Variants in RMDN3 observed in about 807,000 individuals in gnomAD.
RMDN3 encodes the protein regulator of microtubule dynamics protein 3.
In RMDN3, 41 loss-of-function variants were observed where a neutral mutation model predicts 61.8. The observed-to-expected ratio is 0.66, with a 90% CI of 0.52 to 0.86. The LOEUF (loss-of-function observed/expected upper bound fraction) is 0.86. RMDN3 is among the 40% of genes least tolerant of loss of function. The pLI is 0.00. For synonymous variants in RMDN3, 247 were observed against 232.0 expected (o/e 1.06, Z -0.59); for missense variants, 557 against 585.3 (o/e 0.95, Z 0.50).
intron 4 of RMDN3, among the ~76,000 whole-genome samples, chr15:40,748,707 C>T (rs1418351415): frequency 6.6e-6 from 1 of 152,146 alleles, no homozygotes; most frequent in African/African-American, 2.4e-5. Flanking sequence ...TCAAGTGATT[C>T]TCCTGCCTCA....
chr15:40,745,295 T>C (rs1191598894), intron 4 of RMDN3, 36 bp from the exon 5 acceptor site: 1 of 1,601,010 alleles, frequency 6.2e-7, no homozygotes, highest in African/African-American at 1.3e-5. Flanking sequence ...AAGAGGATTA[T>C]TCAGCTCAGA....
At chr15:40,737,041 T>C in intron 12 of RMDN3, 83 bp downstream of exon 12, 1 of 1,086,184 alleles carries the variant, frequency 9.2e-7, no homozygotes, top group Non-Finnish European at 1.4e-6. Flanking sequence ...TTAGTAGAGA[T>C]GGGGTTTCTC....
intron 4 of RMDN3, among the ~76,000 whole-genome samples, chr15:40,747,002 T>A (rs1897598373): frequency 6.6e-6 from 1 of 152,150 alleles, no homozygotes; most frequent in African/African-American, 2.4e-5. Context: ...AACTCCCAAC[T>A]GCACCTGCCA....
Position 40,754,626 on chromosome 15 carries a change from T to C in RMDN3, c.158A>G (p.Tyr53Cys), listed in dbSNP as rs945914796. ...GCGTCCGGGATCTGAAGTCTGCGTA[T>C]AGTCCAGGGAGTTGGGCAGGCTCTG... Reference protein sequence around the residue: ...RSQSLPNSLDYTQTSDPGRHV... With the variant: ...RSQSLPNSLDCTQTSDPGRHV... The change falls in exon 2 of 13, where the codon TAT (tyrosine) becomes TGT (cysteine). Residue 53 changes from tyrosine (Y) to cysteine (C), a missense_variant. Transcript: ENST00000338376. The C allele has an allele frequency of 1.2e-5, 19 of 1,613,782 alleles. No individual in the cohort carries two copies. The East Asian group carries it at 3.6e-4, about 30-fold the overall frequency.
At chr15:40,746,388 T>C (rs909188828) in intron 4 of RMDN3, among the ~76,000 whole-genome samples, 1 of 151,750 alleles carries the variant, frequency 6.6e-6, no homozygotes. Flanking sequence ...TGGTGGCAGG[T>C]GCCTGTAGTC....
At chr15:40,744,851 A>T in intron 5 of RMDN3, 126 bp downstream of exon 5, 1 of 1,055,714 alleles carries the variant, frequency 9.5e-7, no homozygotes, top group Non-Finnish European at 1.3e-6. Flanking sequence ...CAGCTGTCTC[A>T]CCATTTCTCG....
chr15:40,753,944 T>G (rs556449265), intron 2 of RMDN3, among the ~76,000 whole-genome samples: 56 of 152,320 alleles, frequency 3.7e-4, no homozygotes, highest in Admixed American at 1.6e-3. Context: ...CCTACAAGAT[T>G]ATTCTTTTTG....
rs369389009 is a variant in RMDN3 at position 40,745,209 on chromosome 15, T to C, written c.575A>G (p.Glu192Gly). 1 of 1,613,998 alleles carries C rather than the reference T, an allele frequency of 6.2e-7. No individual in the cohort carries two copies. Among genetic ancestry groups the C allele is most frequent in the African/African-American group, 1.3e-5 (1 of 74,894 alleles). The change falls in exon 5 of 13, where the codon GAA becomes GGA. Residue 192 changes from glutamate to glycine, a missense_variant. Coordinates refer to ENST00000338376, the MANE Select transcript of RMDN3 (RefSeq NM_018145.3). ...CACTTCATCTTCCCCGTCCTCACTT[T>C]CTTTGTCAGAGTCCCGCTCATTGTC... Reference protein sequence around the residue: ...ESDNERDSDKESEDGEDEVSC... With the variant: ...ESDNERDSDKGSEDGEDEVSC...
intron 5 of RMDN3, 30 bp downstream of exon 5, chr15:40,744,946 AG>A (rs757626895): frequency 1.3e-6 from 2 of 1,554,144 alleles, no homozygotes; most frequent in South Asian, 2.4e-5. Flanking sequence ...GAGGGAGGGA[AG>A]GAGAAGGAGA....
chr15:40,738,388 A>AG (rs1258386577), intron 8 of RMDN3, 113 bp downstream of exon 8: 22 of 1,009,350 alleles, frequency 2.2e-5, no homozygotes, highest in East Asian at 1.0e-4. Context: ...TCTCAAAAAA[A>AG]AAGAAGAAAG....
rs1897019835 is a variant in RMDN3, at chr15:40,735,921, A to AAAAT, written c.*616_*619dup. 6.6e-6 allele frequency: 1 copy of AAAAT among 152,202 alleles called. No individual in the cohort carries two copies. The highest frequency in any genetic ancestry group is 2.1e-4 in the South Asian group (1 of 4,832). 9.4% of individuals were successfully genotyped at this position (152,202 alleles called of 1,614,324 possible). ...ATTTGGTTTATTTCAAGTTTGTAAC[A>AAAAT]AAATATATTCTAGGCAACTTTTCAG... On this transcript the variant is annotated 3_prime_UTR_variant, in exon 13 of 13. Coordinates refer to ENST00000338376, the MANE Select transcript of RMDN3 (RefSeq NM_018145.3).
intron 8 of RMDN3, 76 bp from the exon 9 acceptor site, chr15:40,738,118 G>C: frequency 6.9e-7 from 1 of 1,456,570 alleles, no homozygotes; most frequent in Non-Finnish European, 9.6e-7. Flanking sequence ...CGGATGCAGT[G>C]GCTCATGCCT....
At chr15:40,745,660 C>G (rs1458504090) in intron 4 of RMDN3, among the ~76,000 whole-genome samples, 1 of 151,978 alleles carries the variant, frequency 6.6e-6, no homozygotes, top group Admixed American at 6.6e-5. Flanking sequence ...GCCACCATGC[C>G]CAGCAGAAAT....
At chr15:40,740,309 G>C in intron 6 of RMDN3, 116 bp from the exon 7 acceptor site, 1 of 748,452 alleles carries the variant, frequency 1.3e-6, no homozygotes, top group South Asian at 1.5e-5. Context: ...GCTTGGACTT[G>C]TTTGGAAATA....
chr15:40,746,042 T>C (rs1897532061), intron 4 of RMDN3, among the ~76,000 whole-genome samples: 1 of 152,106 alleles, frequency 6.6e-6, no homozygotes, highest in African/African-American at 2.4e-5. Flanking sequence ...TGAAAAGGTG[T>C]TTGGGGGGCT....
chr15:40,738,613 A>G (rs750241812), intron 7 of RMDN3, 37 bp from the exon 8 acceptor site: 1 of 1,606,276 alleles, frequency 6.2e-7, no homozygotes, highest in South Asian at 1.1e-5. Flanking sequence ...ACAAGGGCTG[A>G]GTACCATCAC....
At position 40,752,137 on chromosome 15, in the gene RMDN3, A is replaced by G; in HGVS notation, c.229T>C (p.Ser77Pro). ...RAVPGGAGDASVLPSLPREGQ... is the reference protein window; with the variant it reads ...RAVPGGAGDAPVLPSLPREGQ... ...TCCCGTGGAAGGCTGGGCAGCACTG[A>G]GGCATCTCCAGCCCCACCTGGGACA... The change falls in exon 3 of 13, where the codon TCA becomes CCA. Residue 77 changes from serine (S) to proline (P), a missense_variant. Transcript: ENST00000338376. 1 of 1,614,180 alleles carries G rather than the reference A, an allele frequency of 6.2e-7. No homozygotes were observed. The highest frequency in any genetic ancestry group is 1.7e-5 in the Admixed American group (1 of 60,026).
rs1465204725 is a variant in RMDN3, at chr15:40,737,856, GA to G, written c.1125+108del. On this transcript the variant is annotated intron_variant, in intron 9 of 12. Coordinates refer to ENST00000338376, the MANE Select transcript of RMDN3 (RefSeq NM_018145.3). Reference sequence around the variant, plus strand: ...CCACCAATAATACGAGCATTCAGAAGAAAGGGCACCTGAGCCAGAGAAGGCT... The same window carrying G: ...CCACCAATAATACGAGCATTCAGAAGAAGGGCACCTGAGCCAGAGAAGGCT... 7.5e-6 allele frequency: 11 copies of G among 1,472,230 alleles called. No homozygotes were observed. In the East Asian group the frequency reaches 2.5e-4, roughly 33 times the overall value. The allele number at this position is 1,472,230 out of a possible 1,614,324, so 91.2% of individuals were successfully genotyped here.
chr15:40,748,120 C>T (rs1026764180), intron 4 of RMDN3, among the ~76,000 whole-genome samples: 1 of 152,312 alleles, frequency 6.6e-6, no homozygotes, highest in East Asian at 1.9e-4. Context: ...CTCTGCCACC[C>T]TCAATCTCCT....
Sources: gnomAD v4.1 joint callset for allele counts (sites outside exome capture counted in the v4.1 genomes callset) on GRCh38, gnomAD v4.1.1 for gene constraint, MANE v1.5 for transcripts, NCBI Gene and HGNC (gene_info 2026-07-23, HGNC 2026-07-21) for gene names.